Variants in LSAMP observed in about 807,000 individuals in gnomAD.
LSAMP encodes the protein limbic system associated membrane protein, also known as limbic system-associated membrane protein.
Under a neutral mutation model 38.6 loss-of-function variants are expected in LSAMP, and 7 were observed. The observed-to-expected ratio is 0.18, with a 90% CI of 0.10 to 0.34. The LOEUF (loss-of-function observed/expected upper bound fraction) is 0.34, where lower values mean the gene tolerates loss of function less well. LSAMP is among the 10% of genes least tolerant of loss of function. The pLI, the probability that LSAMP is intolerant of heterozygous loss-of-function variation, is 1.00. For missense variants in LSAMP, 313 were observed against 420.0 expected (o/e 0.75, Z 2.23); for synonymous variants, 154 against 166.8 (o/e 0.92, Z 0.59).
At chr3:116,350,813 G>A (rs2048128890) in intron 1 of LSAMP, among the ~76,000 whole-genome samples, 1 of 151,934 alleles carries the variant, frequency 6.6e-6, no homozygotes, top group South Asian at 2.1e-4. Context: ...TCTTCTATCC[G>A]TGAACTTGTG....
chr3:115,992,985 C>T (rs1939714218), intron 3 of LSAMP, among the ~76,000 whole-genome samples: 1 of 152,054 alleles, frequency 6.6e-6, no homozygotes, highest in Admixed American at 6.6e-5. Context: ...GCCAATTTCT[C>T]CTGCATTTGT....
intron 1 of LSAMP, among the ~76,000 whole-genome samples, chr3:116,252,812 T>G (rs928796672): frequency 1.3e-5 from 2 of 152,248 alleles, no homozygotes; most frequent in Admixed American, 6.5e-5. Flanking sequence ...ACTTATGGGA[T>G]GTTTTCTTCT....
intron 3 of LSAMP, among the ~76,000 whole-genome samples, chr3:115,964,232 G>A (rs9871331): frequency 0.22 from 33,116 of 151,986 alleles, 3,864 homozygotes; most frequent in African/African-American, 0.28. Flanking sequence ...TTTTATAGGT[G>A]GTAAACTATT....
At chr3:116,405,006 G>A (rs1414926551) in intron 1 of LSAMP, among the ~76,000 whole-genome samples, 2 of 151,996 alleles carry the variant, frequency 1.3e-5, no homozygotes, top group African/African-American at 4.8e-5. Flanking sequence ...ATGGGAAATT[G>A]GAATAAAAAG....
intron 1 of LSAMP, among the ~76,000 whole-genome samples, chr3:116,396,655 C>T (rs191294596): frequency 6.6e-6 from 1 of 152,142 alleles, no homozygotes; most frequent in Non-Finnish European, 1.5e-5. Flanking sequence ...AGCAGTATAT[C>T]CATTATATCT....
rs56179163 is a variant in LSAMP at position 115,950,798 on chromosome 3, C to CAAAAAA, written c.514+68711_514+68716dup. ...CTCACATAACCAAAGCAAGACTTAG[C>CAAAAAA]AAAAAAAAAAAAAAAAAAAAAAAAA... On this transcript the variant is annotated intron_variant, in intron 3 of 6. Transcript: ENST00000490035. 3.5e-5 allele frequency among the ~76,000 whole-genome samples: 3 copies of CAAAAAA among 86,692 alleles called. 1 individual carries two copies. The highest frequency in any genetic ancestry group is 1.6e-4 in the African/African-American group (3 of 19,332). The allele number at this position is 86,692 out of a possible 152,430, so 56.9% of individuals were successfully genotyped here.
intron 1 of LSAMP, among the ~76,000 whole-genome samples, chr3:116,417,091 C>G (rs903754546): frequency 6.6e-6 from 1 of 152,164 alleles, no homozygotes; most frequent in African/African-American, 2.4e-5. Context: ...AAATCTCCCA[C>G]ATTTTTCTCC....
chr3:116,325,200 G>A (rs1160243127), intron 1 of LSAMP, among the ~76,000 whole-genome samples: 1 of 151,700 alleles, frequency 6.6e-6, no homozygotes, highest in East Asian at 1.9e-4. Context: ...CTATTTACAG[G>A]CATGATCATA....
chr3:116,062,149 T>C (rs1376186717), intron 2 of LSAMP, among the ~76,000 whole-genome samples: 3 of 152,246 alleles, frequency 2.0e-5, no homozygotes, highest in African/African-American at 7.2e-5. Flanking sequence ...ATCAGCTTCA[T>C]TACTTTACTG....
intron 1 of LSAMP, among the ~76,000 whole-genome samples, chr3:116,266,112 C>T (rs1483620544): frequency 6.6e-6 from 1 of 152,162 alleles, no homozygotes; most frequent in Non-Finnish European, 1.5e-5. Flanking sequence ...AAACTTCATA[C>T]TTAAGCATTA....
At chr3:115,920,352 T>A (rs146310964) in intron 3 of LSAMP, among the ~76,000 whole-genome samples, 1 of 152,210 alleles carries the variant, frequency 6.6e-6, no homozygotes, top group African/African-American at 2.4e-5. Context: ...CCAACACTTG[T>A]TATTTTCTAT....
chr3:115,976,965 G>A (rs1268023993), intron 3 of LSAMP, among the ~76,000 whole-genome samples: 15 of 152,094 alleles, frequency 9.9e-5, no homozygotes, highest in Admixed American at 9.8e-4. Context: ...CTAATACAGT[G>A]AGTATTTCAT....
intron 3 of LSAMP, among the ~76,000 whole-genome samples, chr3:115,884,898 T>C (rs1033244317): frequency 6.6e-6 from 1 of 152,036 alleles, no homozygotes; most frequent in Non-Finnish European, 1.5e-5. Context: ...TTCCTTTAGA[T>C]GTGGAGTGTA....
chr3:116,321,438 C>A (rs892309040), intron 1 of LSAMP, among the ~76,000 whole-genome samples: 1 of 152,078 alleles, frequency 6.6e-6, no homozygotes, highest in East Asian at 1.9e-4. Context: ...TAATCATTAC[C>A]GGATATTCAC....
intron 1 of LSAMP, among the ~76,000 whole-genome samples, chr3:116,153,678 A>T (rs1709675245): frequency 1.3e-5 from 2 of 152,158 alleles, no homozygotes; most frequent in South Asian, 4.1e-4. Flanking sequence ...TTTACTTAGA[A>T]ATCTTTTAAT....
At chr3:116,079,528 C>T (rs1707826651) in intron 2 of LSAMP, among the ~76,000 whole-genome samples, 1 of 151,372 alleles carries the variant, frequency 6.6e-6, no homozygotes, top group African/African-American at 2.4e-5. Flanking sequence ...TGGCGCACGC[C>T]TGTAGTCCCA....
intron 1 of LSAMP, among the ~76,000 whole-genome samples, chr3:116,338,719 G>A (rs1256252952): frequency 6.6e-6 from 1 of 151,976 alleles, no homozygotes; most frequent in Non-Finnish European, 1.5e-5. Flanking sequence ...CTGAGGTGTG[G>A]ACTGTCATTC....
In LSAMP at chr3:116,203,028, A is replaced by G. The variant is rs111271226; in HGVS notation, c.156-116472T>C. 3.4e-3 allele frequency among the ~76,000 whole-genome samples: 522 copies of G among 152,334 alleles called. 3 individuals carry two copies. The highest frequency in any genetic ancestry group is 0.012 in the African/African-American group (491 of 41,576). On this transcript the variant is annotated intron_variant, in intron 1 of 6. Coordinates refer to ENST00000490035, the MANE Select transcript of LSAMP (RefSeq NM_002338.5). ...ATTTTAAAACTATTTTAGAGGTTCT[A>G]AGAGTGTTTAAATCCTCTAGTTTTA...
At chr3:115,845,387 A>C (rs9865664) in intron 4 of LSAMP, among the ~76,000 whole-genome samples, 26,217 of 152,156 alleles carry the variant, frequency 0.17, 2,562 homozygotes, top group Non-Finnish European at 0.23. Flanking sequence ...GAGTTTCTGG[A>C]GCCACATGGT....
Sources: allele counts gnomAD v4.1 joint callset (sites outside exome capture counted in the v4.1 genomes callset), GRCh38; gene constraint gnomAD v4.1.1; transcripts MANE v1.5; gene names NCBI Gene and HGNC (gene_info 2026-07-23, HGNC 2026-07-21).